The following SETD9 variants were observed in gnomAD, a reference collection of about 807,000 sequenced individuals.
SETD9 encodes the protein SET domain-containing protein 9.
In SETD9, 37 loss-of-function variants were observed where a neutral mutation model predicts 36.4. The ratio of observed to expected loss-of-function variants is 1.02; its 90% CI spans 0.78 to 1.34. SETD9 has a LOEUF of 1.34. SETD9 is among the 40% of genes most tolerant of loss of function. The pLI is 0.00. For missense variants in SETD9, 323 were observed against 353.2 expected (o/e 0.91, Z 0.69); for synonymous variants, 128 against 132.9 (o/e 0.96, Z 0.26).
chr5:56,913,856 TGCTTTCA>T lies in SETD9; in HGVS notation c.591-17_591-11del, dbSNP rs1749285217. On this transcript the variant is annotated splice_polypyrimidine_tract_variant and intron_variant, in intron 3 of 5. Coordinates refer to ENST00000285947, the MANE Select transcript of SETD9 (RefSeq NM_153706.4). ...TTTAAGATACAGATCCATTAGCTAA[TGCTTTCA>T]CTTGTTTCAGATCTTGCAATGGGAG... 6.7e-7 allele frequency: 1 copy of T among 1,490,620 alleles called. No individual in the cohort carries two copies. The highest frequency in any genetic ancestry group is 2.3e-5 in the East Asian group (1 of 44,440). The allele number at this position is 1,490,620 out of a possible 1,614,324, so 92.3% of individuals were successfully genotyped here.
At chr5:56,920,742 GTAT>G (rs1749632090), downstream of SETD9, 1 of 152,144 alleles carries the variant, frequency 6.6e-6, no homozygotes, top group South Asian at 2.1e-4. Context: ...CACAAAAATG[GTAT>G]TATACATGGC....
chr5:56,928,694 T>G, downstream of SETD9: 1 of 1,065,664 alleles, frequency 9.4e-7, no homozygotes, highest in South Asian at 1.5e-5. Flanking sequence ...TTTTCCTACT[T>G]AAGTGACTTA....
At chr5:56,915,557 G>A (rs899391467) in intron 5 of SETD9, among the ~76,000 whole-genome samples, 1 of 152,192 alleles carries the variant, frequency 6.6e-6, no homozygotes, top group Non-Finnish European at 1.5e-5. Flanking sequence ...GCTGTAGGAA[G>A]ATACAATCTT....
intron 5 of SETD9, chr5:56,924,077 AACTC>A: frequency 6.3e-7 from 1 of 1,588,054 alleles, no homozygotes; most frequent in East Asian, 2.2e-5. Flanking sequence ...AAAACCAACA[AACTC>A]AACCATTTTT....
intron 4 of SETD9, among the ~76,000 whole-genome samples, 164 bp downstream of exon 4, chr5:56,914,153 G>A (rs1030562674): frequency 3.9e-5 from 6 of 152,002 alleles, no homozygotes; most frequent in African/African-American, 1.5e-4. Flanking sequence ...GAGAATTAGG[G>A]GAAATCTTGA....
At chr5:56,916,786 C>G in intron 5 of SETD9, 29 bp from the exon 6 acceptor site, 1 of 1,593,444 alleles carries the variant, frequency 6.3e-7, no homozygotes, top group Non-Finnish European at 8.5e-7. Context: ...TGTTAATGCT[C>G]TACCTTTTGT....
At chr5:56,910,400 T>A in intron 1 of SETD9, 1 of 1,303,138 alleles carries the variant, frequency 7.7e-7, no homozygotes, top group South Asian at 1.2e-5. Context: ...TTGGGGTGAG[T>A]CCCGCCGGCG....
At chr5:56,910,528 T>C (rs771070635) in intron 1 of SETD9, 2 of 651,464 alleles carry the variant, frequency 3.1e-6, no homozygotes, top group Non-Finnish European at 4.5e-6. Flanking sequence ...GAAGGTTGCA[T>C]GCTAGGGAAA....
chr5:56,917,042 A>T lies in SETD9; in HGVS notation c.*140A>T. The T allele has an allele frequency of 4.5e-6, 6 of 1,332,790 alleles. No individual in the cohort carries two copies. The South Asian group carries it at 1.2e-4, about 27-fold the overall frequency. 82.6% of individuals were successfully genotyped at this position (1,332,790 alleles called of 1,614,324 possible). A position where few individuals can be genotyped will look rare whatever the true frequency, so the allele number is the denominator to read the frequency against. ...ATAGGAATTTCTTATGTTTTTGTTG[A>T]TATTATATTTATGTTCCAATTTCAT... is the stretch of plus-strand genomic sequence containing the variant. On this transcript the variant is annotated 3_prime_UTR_variant, in exon 6 of 6. Transcript: ENST00000285947.
chr5:56,923,805 T>C, intron 5 of SETD9: 2 of 1,614,208 alleles, frequency 1.2e-6, no homozygotes, highest in South Asian at 1.1e-5. Flanking sequence ...AAAGCTTCTG[T>C]TTCATCTACT....
chr5:56,923,352 T>C (rs1749770146), intron 5 of SETD9: 1 of 1,614,208 alleles, frequency 6.2e-7, no homozygotes, highest in Non-Finnish European at 8.5e-7. Flanking sequence ...TTTGCTGGTC[T>C]CTCTGACTCT....
downstream of SETD9, among the ~76,000 whole-genome samples, chr5:56,926,081 T>G (rs1174788598): frequency 2.0e-5 from 3 of 152,062 alleles, no homozygotes; most frequent in African/African-American, 7.2e-5. Flanking sequence ...TAGACCTTAC[T>G]CCTTTCAAAA....
rs993266077 is a variant in SETD9 at position 56,913,198 on chromosome 5, T to C, written c.590+64T>C. 7 of 1,532,476 alleles carry C rather than the reference T, an allele frequency of 4.6e-6. No homozygotes were observed. In the African/African-American group the frequency reaches 9.7e-5, roughly 21 times the overall value. The allele number at this position is 1,532,476 out of a possible 1,614,324, so 94.9% of individuals were successfully genotyped here. A position where few individuals can be genotyped will look rare whatever the true frequency, so the allele number is the denominator to read the frequency against. On this transcript the variant is annotated intron_variant, in intron 3 of 5. Coordinates refer to ENST00000285947, the MANE Select transcript of SETD9 (RefSeq NM_153706.4). Reference sequence around the variant, plus strand: ...AGAACCGCACTTACCACAATGATTATGACTAATAGCATTTGTACTTTATTT... The same window carrying C: ...AGAACCGCACTTACCACAATGATTACGACTAATAGCATTTGTACTTTATTT...
Position 56,910,193 on chromosome 5 carries a change from C to T in SETD9, c.98+450C>T, listed in dbSNP as rs796554053. 6 of 1,249,330 alleles carry T rather than the reference C, an allele frequency of 4.8e-6. No individual in the cohort carries two copies. In the African/African-American group the frequency reaches 9.4e-5, roughly 20 times the overall value. 77.4% of individuals were successfully genotyped at this position (1,249,330 alleles called of 1,614,324 possible). ...GCCCTTACCGCGTGAGAGTGCGTGG[C>T]TTTTTCTCCACCAGGGGTTAATTAG... On this transcript the variant is annotated intron_variant, in intron 1 of 5. Transcript: ENST00000285947.
chr5:56,909,832 G>A (rs927004816), intron 1 of SETD9, 89 bp downstream of exon 1: 1 of 1,226,378 alleles, frequency 8.2e-7, no homozygotes, highest in African/African-American at 1.6e-5. Context: ...GAGAGCCTGA[G>A]GCTGACTGCC....
At chr5:56,914,068 A>G (rs1294772466) in intron 4 of SETD9, 79 bp downstream of exon 4, 11 of 996,728 alleles carry the variant, frequency 1.1e-5, no homozygotes, top group South Asian at 9.8e-5. Context: ...CTGAGTGCCA[A>G]GGGCAGTTGA....
At chr5:56,910,296 GCCCAT>G in intron 1 of SETD9, 3 of 1,304,276 alleles carry the variant, frequency 2.3e-6, no homozygotes, top group Non-Finnish European at 3.0e-6. Flanking sequence ...GGTTAAAGAA[GCCCAT>G]CCCGGCTGTG....
At chr5:56,914,138 T>A (rs1052146484) in intron 4 of SETD9, 149 bp downstream of exon 4, 2 of 505,190 alleles carry the variant, frequency 4.0e-6, no homozygotes, top group African/African-American at 3.8e-5. Flanking sequence ...GGGGATGATA[T>A]TAGAGAGAAT....
chr5:56,909,843 G>A, intron 1 of SETD9, 100 bp downstream of exon 1: 4 of 1,016,896 alleles, frequency 3.9e-6, no homozygotes, highest in East Asian at 3.8e-5. Context: ...GCTGACTGCC[G>A]GCCTGAGATG....
Sources: gnomAD v4.1 joint callset for allele counts (sites outside exome capture counted in the v4.1 genomes callset) on GRCh38, gnomAD v4.1.1 for gene constraint, MANE v1.5 for transcripts, NCBI Gene and HGNC (gene_info 2026-07-23, HGNC 2026-07-21) for gene names.